Variants in LRRC9 observed in about 807,000 individuals in gnomAD.
LRRC9 encodes the protein leucine rich repeat containing 9, also known as leucine-rich repeat-containing protein 9.
In LRRC9, 122 loss-of-function variants were observed where a neutral mutation model predicts 63.2. That is an observed-to-expected ratio of 1.93 (90% CI 1.67 to 2.24). The LOEUF (loss-of-function observed/expected upper bound fraction) is 2.24, where lower values mean the gene tolerates loss of function less well. Ranked by LOEUF, LRRC9 falls within the 30% of genes most tolerant of loss-of-function variation. The pLI, the probability that LRRC9 is intolerant of heterozygous loss-of-function variation, is 0.00. For synonymous variants in LRRC9, 366 were observed against 213.1 expected (o/e 1.72, Z -6.25); for missense variants, 1,071 against 627.7 (o/e 1.71, Z -7.55).
At chr14:59,975,728 G>T (rs1249764024) in intron 13 of LRRC9, among the ~76,000 whole-genome samples, 1 of 152,142 alleles carries the variant, frequency 6.6e-6, no homozygotes, top group Admixed American at 6.5e-5. Context: ...TCATATAGGA[G>T]CTATAAACAT....
chr14:60,059,066 C>T (rs1230630969), intron 31 of LRRC9: 2 of 152,086 alleles, frequency 1.3e-5, no homozygotes, highest in Non-Finnish European at 1.5e-5. Flanking sequence ...ATTAGTTTAA[C>T]CCTGGATTCA....
At chr14:60,035,012 T>C (rs1280434339) in intron 29 of LRRC9, among the ~76,000 whole-genome samples, 3 of 152,156 alleles carry the variant, frequency 2.0e-5, no homozygotes, top group Non-Finnish European at 4.4e-5. Context: ...TGTTATTGCC[T>C]GTATTTTTGA....
intron 29 of LRRC9, among the ~76,000 whole-genome samples, chr14:60,045,578 T>C (rs1358254660): frequency 6.6e-6 from 1 of 152,228 alleles, no homozygotes; most frequent in Non-Finnish European, 1.5e-5. Context: ...TCCGGCTCTA[T>C]CCATGTCCCT....
intron 29 of LRRC9, among the ~76,000 whole-genome samples, chr14:60,045,406 T>C (rs143640480): frequency 6.6e-6 from 1 of 152,282 alleles, no homozygotes; most frequent in African/African-American, 2.4e-5. Flanking sequence ...TTAGCTATTC[T>C]TCCTGATGGC....
intron 29 of LRRC9, among the ~76,000 whole-genome samples, chr14:60,046,512 C>A (rs1262378827): frequency 6.6e-6 from 1 of 152,130 alleles, no homozygotes; most frequent in African/African-American, 2.4e-5. Flanking sequence ...TCTCCAAGCA[C>A]CATTTATTAA....
intron 1 of LRRC9, among the ~76,000 whole-genome samples, chr14:59,925,591 C>A (rs976283865): frequency 6.6e-6 from 1 of 152,090 alleles, no homozygotes. Flanking sequence ...ACATTCAAAC[C>A]GTAGCATTCA....
intron 15 of LRRC9, among the ~76,000 whole-genome samples, chr14:59,979,474 T>A (rs1886681859): frequency 6.6e-6 from 1 of 151,652 alleles, no homozygotes; most frequent in Admixed American, 6.6e-5. Flanking sequence ...TAGCCGGCCG[T>A]GGTGGCGGGC....
At chr14:59,928,149 C>T (rs1391568099) in intron 2 of LRRC9, 119 bp from the exon 3 acceptor site, 1 of 563,588 alleles carries the variant, frequency 1.8e-6, no homozygotes, top group Non-Finnish European at 3.1e-6. Flanking sequence ...ATAACTTTCT[C>T]TCTTGTGAGA....
chr14:60,063,297 G>C (rs543157256), intron 31 of LRRC9, 26 bp from the exon 33 acceptor site: 1 of 698,174 alleles, frequency 1.4e-6, no homozygotes, highest in East Asian at 2.7e-5. Context: ...ACCACTATTT[G>C]ACTAATTAAA....
At position 59,927,878 on chromosome 14, in the gene LRRC9, A is replaced by G; in HGVS notation, c.-33-33A>G. 1.6e-6 allele frequency: 1 copy of G among 628,218 alleles called. No individual in the cohort carries two copies. Among genetic ancestry groups the G allele is most frequent in the Non-Finnish European group, 2.8e-6 (1 of 354,936 alleles). The allele number at this position is 628,218 out of a possible 1,614,324, so 38.9% of individuals were successfully genotyped here. ...TCAACTTGGAATGACAATGACTTTA[A>G]TATTTATTTCATTTTTTCATTTTCC... On this transcript the variant is annotated intron_variant, in intron 1 of 31. Coordinates refer to ENST00000445360, the Ensembl canonical transcript of LRRC9. The surrounding 1 kb of genome is among the most constrained non-coding windows in gnomAD (Gnocchi z 4.4).
At chr14:59,926,519 G>A (rs968055757) in intron 1 of LRRC9, among the ~76,000 whole-genome samples, 4 of 151,924 alleles carry the variant, frequency 2.6e-5, no homozygotes, top group African/African-American at 9.7e-5. Flanking sequence ...CACATCATAG[G>A]TATCTAATTT....
Position 59,935,123 on chromosome 14 carries a change from T to TA in LRRC9, c.543+3105dup, listed in dbSNP as rs34044624. On this transcript the variant is annotated intron_variant, in intron 6 of 31. Transcript: ENST00000445360. ...CAACATGGTGAAACCTTGTTTCTAC[T>TA]AAAAAAAAAAAAAAAAAAAAATAGC... Among the ~76,000 whole-genome samples the TA allele has an allele frequency of 6.3e-3, 735 of 117,442 alleles. 12 individuals carry two copies. Among genetic ancestry groups the TA allele is most frequent in the East Asian group, 0.057 (234 of 4,106 alleles). The allele number at this position is 117,442 out of a possible 152,430, so 77.0% of individuals were successfully genotyped here.
intron 16 of LRRC9, among the ~76,000 whole-genome samples, chr14:59,982,755 T>G (rs1887067017): frequency 6.6e-6 from 1 of 152,220 alleles, no homozygotes; most frequent in East Asian, 1.9e-4. Context: ...ATCCTAACTC[T>G]TAATTCTGAA....
chr14:60,005,598 T>C (rs1209987777), intron 21 of LRRC9, among the ~76,000 whole-genome samples: 1 of 152,070 alleles, frequency 6.6e-6, no homozygotes, highest in Non-Finnish European at 1.5e-5. Context: ...ACCTTCAACA[T>C]TGTACAGTCC....
intron 12 of LRRC9, chr14:59,973,524 A>C (rs774039668): frequency 5.3e-5 from 8 of 152,130 alleles, no homozygotes; most frequent in Non-Finnish European, 1.2e-4. Flanking sequence ...CTGTGAATAC[A>C]CAAGTCCATT....
chr14:59,963,613 C>T (rs1444938570), intron 10 of LRRC9, among the ~76,000 whole-genome samples: 1 of 151,938 alleles, frequency 6.6e-6, no homozygotes, highest in Non-Finnish European at 1.5e-5. Context: ...TAAGACATAA[C>T]ATCTAGCATG....
chr14:59,984,464 A>G (rs528595413), intron 16 of LRRC9, among the ~76,000 whole-genome samples: 2 of 152,202 alleles, frequency 1.3e-5, no homozygotes, highest in South Asian at 4.1e-4. Flanking sequence ...ACCACTCATA[A>G]TGGTATAAAG....
exon 20 of LRRC9, chr14:60,001,986 T>C: frequency 1.4e-6 from 1 of 690,146 alleles, no homozygotes. Flanking sequence ...TACGGCATTC[T>C]AGTACTAAAG....
intron 15 of LRRC9, among the ~76,000 whole-genome samples, chr14:59,980,861 G>A (rs1886853254): frequency 6.6e-6 from 1 of 152,192 alleles, no homozygotes; most frequent in Non-Finnish European, 1.5e-5. Context: ...CCTGGCAGTT[G>A]TGACCATTCA....
Sources: gnomAD v4.1 joint callset for allele counts (sites outside exome capture counted in the v4.1 genomes callset) on GRCh38, gnomAD v4.1.1 for gene constraint, Gnocchi (gnomAD v3.1) non-coding constraint, MANE v1.5 for transcripts, NCBI Gene and HGNC (gene_info 2026-07-23, HGNC 2026-07-21) for gene names.